TECTA: variants seen among roughly 807,000 people sequenced by gnomAD.
The protein encoded by TECTA is alpha-tectorin.
Under a neutral mutation model 216.8 loss-of-function variants are expected in TECTA, and 128 were observed. That is an observed-to-expected ratio of 0.59 (90% CI 0.51 to 0.68). TECTA has a LOEUF of 0.68. Among genes scored for constraint, TECTA ranks in the 30% least tolerant of loss-of-function variants. The pLI, the probability that TECTA is intolerant of heterozygous loss-of-function variation, is 0.00. For missense variants in TECTA, 2,551 were observed against 2,786.2 expected (o/e 0.92, Z 1.90); for synonymous variants, 1,089 against 1,117.1 (o/e 0.97, Z 0.50).
At chr11:121,125,137 C>A (rs186102892) in intron 7 of TECTA, among the ~76,000 whole-genome samples, 165 bp from the exon 8 acceptor site, 3 of 152,280 alleles carry the variant, frequency 2.0e-5, no homozygotes, top group Admixed American at 1.3e-4. Context: ...CCATTTCCCC[C>A]CCGGCCTTTG....
intron 12 of TECTA, among the ~76,000 whole-genome samples, chr11:121,148,853 G>C (rs1234899316): frequency 6.6e-6 from 1 of 152,190 alleles, no homozygotes; most frequent in Non-Finnish European, 1.5e-5. Flanking sequence ...GAACAAATAG[G>C]CTTACAGGGA....
At position 121,138,137 on chromosome 11, in the gene TECTA, T is replaced by C. The variant is rs987611465; in HGVS notation, c.3543+115T>C. 8 of 1,445,352 alleles carry C rather than the reference T, an allele frequency of 5.5e-6. No homozygotes were observed. The African/African-American group carries it at 1.1e-4, about 20-fold the overall frequency. The allele number at this position is 1,445,352 out of a possible 1,614,324, so 89.5% of individuals were successfully genotyped here. A position where few individuals can be genotyped will look rare whatever the true frequency, so the allele number is the denominator to read the frequency against. ...CCGGAATCCAAAGAAAATCTTAGTA[T>C]ATTAAAGCAGAGAGAGGCCCTAGAG... On this transcript the variant is annotated intron_variant, in intron 11 of 23. Coordinates refer to ENST00000392793, the MANE Select transcript of TECTA (RefSeq NM_005422.4).
At chr11:121,122,769 C>T (rs1457003503) in intron 7 of TECTA, among the ~76,000 whole-genome samples, 3 of 150,350 alleles carry the variant, frequency 2.0e-5, no homozygotes. Flanking sequence ...GGGAGGATCA[C>T]TGGAGCCAGA....
rs663031 is a variant in TECTA at position 121,162,568 on chromosome 11, C to T, written c.5272+198C>T. 0.42 allele frequency among the ~76,000 whole-genome samples: 63,380 copies of T among 152,034 alleles called. 14,464 individuals carry two copies. Among genetic ancestry groups the T allele is most frequent in the African/African-American group, 0.61 (25,175 of 41,452 alleles). The stretch of plus-strand genomic sequence containing the variant: ...CCTCCCGTGGAGCCTAACCCACCTA[C>T]GGCTCCTGTCCAGTTATGGGATTTG... On this transcript the variant is annotated intron_variant, in intron 16 of 23. Transcript: ENST00000392793.
intron 10 of TECTA, among the ~76,000 whole-genome samples, chr11:121,131,071 G>A (rs772113825): frequency 3.3e-5 from 5 of 151,994 alleles, no homozygotes; most frequent in African/African-American, 7.3e-5. Context: ...AAAATTAGCC[G>A]GGCGTGGTGG....
chr11:121,157,956 A>G lies in TECTA; in HGVS notation c.4421A>G (p.Asn1474Ser). Residue 1474 changes from asparagine to serine, a missense_variant, in exon 14 of 24, where the codon AAC (asparagine) becomes AGC (serine). Coordinates refer to ENST00000392793, the MANE Select transcript of TECTA (RefSeq NM_005422.4). Reference sequence around the variant, plus strand: ...TCAGACGAGGAGTGTGCGCTGCGCAACGGGGTGCGCGGCTGCTTCAGCACC... The same window carrying G: ...TCAGACGAGGAGTGTGCGCTGCGCAGCGGGGTGCGCGGCTGCTTCAGCACC... ...CKSDEECALR[N>S]GVRGCFSTKT... 6.2e-7 allele frequency: 1 copy of G among 1,613,836 alleles called. No individual in the cohort carries two copies. The highest frequency in any genetic ancestry group is 8.5e-7 in the Non-Finnish European group (1 of 1,179,986).
At chr11:121,133,278 C>A (rs1273683766) in intron 10 of TECTA, among the ~76,000 whole-genome samples, 2 of 152,202 alleles carry the variant, frequency 1.3e-5, no homozygotes, top group African/African-American at 2.4e-5. Context: ...GAGTTGCAGA[C>A]TTCATGCCTC....
intron 11 of TECTA, among the ~76,000 whole-genome samples, chr11:121,139,147 G>A (rs1488293076): frequency 6.6e-6 from 1 of 152,162 alleles, no homozygotes; most frequent in African/African-American, 2.4e-5. Context: ...ATTTCACTGT[G>A]TCGTCCTCTT....
Position 121,147,186 on chromosome 11 carries a change from T to G in TECTA, c.4105+1070T>G, listed in dbSNP as rs2135108307. 3.3e-5 allele frequency among the ~76,000 whole-genome samples: 5 copies of G among 152,322 alleles called. No individual in the cohort carries two copies. The Middle Eastern group carries it at 0.017, about 518-fold the overall frequency. ...TATTTCTTTAAAAAGCATATTCCTTTTAGAAGGTCTGTAGCTCTTTTAAAA... is the reference window on the plus strand; with the variant it reads ...TATTTCTTTAAAAAGCATATTCCTTGTAGAAGGTCTGTAGCTCTTTTAAAA... On this transcript the variant is annotated intron_variant, in intron 12 of 23. Transcript: ENST00000392793.
At position 121,128,164 on chromosome 11, in the gene TECTA, C is replaced by T. The variant is rs529258973; in HGVS notation, c.2187C>T (p.Tyr729=). The change falls in exon 9 of 24, where the codon TAC becomes TAT. Residue 729 remains tyrosine (Y), a synonymous_variant. Transcript: ENST00000392793. ...TGCACACCTTTGACGGCGCCTCCTACGCCTTCCCCTCCGAGTTCTCCTACA... is the reference window on the plus strand; with the variant it reads ...TGCACACCTTTGACGGCGCCTCCTATGCCTTCCCCTCCGAGTTCTCCTACA... The part of the protein sequence containing the change: ...QVLHTFDGAS[Y]AFPSEFSYTL... 2.2e-5 allele frequency: 36 copies of T among 1,610,910 alleles called. No individual in the cohort carries two copies. The East Asian group carries it at 6.9e-4, about 31-fold the overall frequency.
In TECTA at chr11:121,157,957, CG is replaced by C. The variant is rs774671375; in HGVS notation, c.4426del (p.Val1476CysfsTer89). On this transcript the variant is annotated frameshift_variant, in exon 14 of 24. Coordinates refer to ENST00000392793, the MANE Select transcript of TECTA (RefSeq NM_005422.4). LOFTEE classifies it high-confidence loss of function. ...KSDEECALRN[G>X]VRGCFSTKTS... Reference sequence around the variant, plus strand: ...CAGACGAGGAGTGTGCGCTGCGCAACGGGGTGCGCGGCTGCTTCAGCACCAA... The same window carrying C: ...CAGACGAGGAGTGTGCGCTGCGCAACGGGTGCGCGGCTGCTTCAGCACCAA... 1 of 1,613,762 alleles carries C rather than the reference CG, an allele frequency of 6.2e-7. No individual in the cohort carries two copies. Among genetic ancestry groups the C allele is most frequent in the East Asian group, 2.2e-5 (1 of 44,882 alleles).
At chr11:121,167,305 G>A (rs576218958) in intron 18 of TECTA, among the ~76,000 whole-genome samples, 36 of 152,190 alleles carry the variant, frequency 2.4e-4, no homozygotes, top group Non-Finnish European at 3.8e-4. Flanking sequence ...TGTGGTGACA[G>A]TGCCTGTAGT....
intron 10 of TECTA, among the ~76,000 whole-genome samples, chr11:121,134,325 C>CCA (rs6144537): frequency 0.13 from 19,522 of 146,904 alleles, 1,480 homozygotes; most frequent in South Asian, 0.27. Flanking sequence ...AAAACCAACA[C>CCA]CACACACACA....
At chr11:121,173,283 G>A (rs933457314) in intron 20 of TECTA, among the ~76,000 whole-genome samples, 5 of 148,506 alleles carry the variant, frequency 3.4e-5, no homozygotes, top group Non-Finnish European at 7.4e-5. Context: ...GTCCTGAATG[G>A]TAAAGCCTAG....
intron 13 of TECTA, among the ~76,000 whole-genome samples, chr11:121,154,424 G>A (rs971598374): frequency 6.6e-6 from 1 of 152,186 alleles, no homozygotes; most frequent in Non-Finnish European, 1.5e-5. Flanking sequence ...TCTTAGAAAT[G>A]TTATTTGAAA....
chr11:121,189,311 A>G, intron 22 of TECTA, 144 bp downstream of exon 22: 1 of 764,244 alleles, frequency 1.3e-6, no homozygotes, highest in Non-Finnish European at 2.3e-6. Context: ...CTGCTTCCTT[A>G]AAGACATCTT....
chr11:121,167,947 A>T, intron 18 of TECTA, 107 bp from the exon 19 acceptor site: 1 of 1,309,288 alleles, frequency 7.6e-7, no homozygotes, highest in South Asian at 1.2e-5. Context: ...CCTCTAAATT[A>T]TGTATGGAAG....
chr11:121,183,540 T>A (rs1318339278), intron 20 of TECTA, among the ~76,000 whole-genome samples: 2 of 152,134 alleles, frequency 1.3e-5, no homozygotes, highest in Admixed American at 1.3e-4. Context: ...GCCAACTGCT[T>A]TGTTTCCCTT....
chr11:121,160,831 C>G (rs890408072), intron 15 of TECTA, among the ~76,000 whole-genome samples: 2 of 152,168 alleles, frequency 1.3e-5, no homozygotes, highest in African/African-American at 4.8e-5. Context: ...GTCCTTGCCT[C>G]TTACAAGAAG....
Sources: gnomAD v4.1 joint callset for allele counts (sites outside exome capture counted in the v4.1 genomes callset) on GRCh38, gnomAD v4.1.1 for gene constraint, MANE v1.5 for transcripts, NCBI Gene and HGNC (gene_info 2026-07-23, HGNC 2026-07-21) for gene names.